The following GNB1 variants were observed in gnomAD, a reference collection of about 807,000 sequenced individuals.
GNB1 encodes the protein G protein subunit beta 1, also known as guanine nucleotide-binding protein G(I)/G(S)/G(T) subunit beta-1.
Under a neutral mutation model 42.9 loss-of-function variants are expected in GNB1, and 2 were observed. The observed-to-expected ratio is 0.05, with a 90% CI of 0.02 to 0.15. The LOEUF (loss-of-function observed/expected upper bound fraction) is 0.15, where lower values mean the gene tolerates loss of function less well. Among genes scored for constraint, GNB1 ranks in the 10% least tolerant of loss-of-function variants. The probability of loss-of-function intolerance (pLI) is 1.00; values close to 1 mark genes in which losing one functional copy is unlikely to be tolerated. For missense variants in GNB1, 193 were observed against 462.2 expected, an observed-to-expected ratio of 0.42 and a Z score of 5.34; for synonymous variants, 183 against 174.7, an observed-to-expected ratio of 1.05 and a Z score of -0.38.
intron 1 of GNB1, among the ~76,000 whole-genome samples, chr1:1,848,576 T>C (rs1647807934): frequency 6.6e-6 from 1 of 152,158 alleles, no homozygotes; most frequent in Non-Finnish European, 1.5e-5. Context: ...CTTCCACTCA[T>C]TAAATAGTAA....
intron 1 of GNB1, among the ~76,000 whole-genome samples, chr1:1,866,302 T>C (rs958748814): frequency 6.6e-6 from 1 of 152,230 alleles, no homozygotes; most frequent in Admixed American, 6.5e-5. Flanking sequence ...ATACCACGTT[T>C]CACAGGGATG....
chr1:1,807,802 G>T (rs923857048), intron 5 of GNB1, among the ~76,000 whole-genome samples: 1 of 151,924 alleles, frequency 6.6e-6, no homozygotes, highest in Non-Finnish European at 1.5e-5. Flanking sequence ...CCGCCTCCGG[G>T]GTTCATGCCA....
chr1:1,792,354 T>C (rs932375655), intron 8 of GNB1, among the ~76,000 whole-genome samples: 3 of 151,572 alleles, frequency 2.0e-5, no homozygotes, highest in South Asian at 2.1e-4. Context: ...TACAAATATA[T>C]AGAGGGGAAA....
chr1:1,785,894 C>T lies in GNB1; in HGVS notation c.*1169G>A. On this transcript the variant is annotated 3_prime_UTR_variant, in exon 12 of 12. Coordinates refer to ENST00000378609, the MANE Select transcript of GNB1 (RefSeq NM_002074.5). ...GCGCTGTACTGCTTCCGATATGTGCCACAGAGCAGCAACGAGAAGTGGACA... is the reference window on the plus strand; with the variant it reads ...GCGCTGTACTGCTTCCGATATGTGCTACAGAGCAGCAACGAGAAGTGGACA... The T allele has an allele frequency of 2.5e-6, 1 of 398,594 alleles. No individual in the cohort carries two copies. Among genetic ancestry groups the T allele is most frequent in the Non-Finnish European group, 4.4e-6 (1 of 225,998 alleles). 24.7% of individuals were successfully genotyped at this position (398,594 alleles called of 1,614,324 possible).
chr1:1,886,373 AT>A (rs1650157768), intron 1 of GNB1, among the ~76,000 whole-genome samples: 1 of 152,078 alleles, frequency 6.6e-6, no homozygotes, highest in African/African-American at 2.4e-5. Flanking sequence ...ATGTCTATAG[AT>A]TGTCTCTATT....
At chr1:1,834,186 G>A (rs1392502200) in intron 2 of GNB1, among the ~76,000 whole-genome samples, 1 of 152,014 alleles carries the variant, frequency 6.6e-6, no homozygotes, top group South Asian at 2.1e-4. Context: ...TATGGTGTGC[G>A]GTCACAAAGC....
At chr1:1,859,695 G>A (rs1395076977) in intron 1 of GNB1, among the ~76,000 whole-genome samples, 1 of 150,764 alleles carries the variant, frequency 6.6e-6, no homozygotes, top group Non-Finnish European at 1.5e-5. Context: ...GAAGTGGGGT[G>A]GGGGAGAGGG....
At chr1:1,795,923 C>A (rs375470458) in intron 7 of GNB1, among the ~76,000 whole-genome samples, 1 of 152,154 alleles carries the variant, frequency 6.6e-6, no homozygotes, top group Non-Finnish European at 1.5e-5. Flanking sequence ...GGACAAGCAT[C>A]AGCTGACAGG....
chr1:1,786,674 C>T lies in GNB1; in HGVS notation c.*389G>A, dbSNP rs1355905461. On this transcript the variant is annotated 3_prime_UTR_variant, in exon 12 of 12. Coordinates refer to ENST00000378609, the MANE Select transcript of GNB1 (RefSeq NM_002074.5). ...CCCTCAGCATGTTTTGCATGAATGC[C>T]ACAAAACAGGGTCACTGGTCTAAAA... 1 of 152,222 alleles carries T rather than the reference C, an allele frequency of 6.6e-6. No individual in the cohort carries two copies. Among genetic ancestry groups the T allele is most frequent in the African/African-American group, 2.4e-5 (1 of 41,436 alleles). The allele number at this position is 152,222 out of a possible 1,614,324, so 9.4% of individuals were successfully genotyped here.
rs141890829 is a variant in GNB1 at position 1,790,110 on chromosome 1, G to C, written c.699+285C>G. ...GACCAGTAAGGCTCTGTAACCACTG[G>C]TGGCCTGAGTTATCTTACTGTCTTT... On this transcript the variant is annotated intron_variant, in intron 9 of 11. Coordinates refer to ENST00000378609, the MANE Select transcript of GNB1 (RefSeq NM_002074.5). The surrounding 1 kb of genome is among the most constrained non-coding windows in gnomAD (Gnocchi z 5.4). 5.4e-3 allele frequency among the ~76,000 whole-genome samples: 816 copies of C among 152,266 alleles called. 9 individuals are homozygous for C. The highest frequency in any genetic ancestry group is 0.019 in the African/African-American group (780 of 41,542).
chr1:1,882,085 G>C (rs1441318193), intron 1 of GNB1, among the ~76,000 whole-genome samples: 1 of 152,068 alleles, frequency 6.6e-6, no homozygotes, highest in Non-Finnish European at 1.5e-5. Context: ...CTCCCTATTA[G>C]ACCATGAATT....
At chr1:1,874,723 G>A (rs753631666) in intron 1 of GNB1, among the ~76,000 whole-genome samples, 6 of 151,758 alleles carry the variant, frequency 4.0e-5, no homozygotes, top group Middle Eastern at 3.2e-3. Flanking sequence ...CCTGTGAGGC[G>A]GAGTTGCAGT....
Position 1,835,044 on chromosome 1 carries a change from C to G in GNB1, c.-47+4146G>C, listed in dbSNP as rs539610518. ...TGCTGTGTGCCATGCCATCTGCACT[C>G]CAGTATATAAAAATAATCTTTGTTT... On this transcript the variant is annotated intron_variant, in intron 2 of 11. Coordinates refer to ENST00000378609, the MANE Select transcript of GNB1 (RefSeq NM_002074.5). Among the ~76,000 whole-genome samples, 11 of 152,262 alleles carry G rather than the reference C, an allele frequency of 7.2e-5. No homozygotes were observed. The South Asian group carries it at 2.3e-3, about 32-fold the overall frequency.
Position 1,796,674 on chromosome 1 carries a change from G to GT in GNB1, c.431-3364_431-3363insA, listed in dbSNP as rs1359269319. Reference sequence around the variant, plus strand: ...TGCCACCCTCTGGAAGCCTGCAGAGGGGCAGGGAAAACAGACCCTGAACAA... The same window carrying GT: ...TGCCACCCTCTGGAAGCCTGCAGAGGTGGCAGGGAAAACAGACCCTGAACAA... On this transcript the variant is annotated intron_variant, in intron 7 of 11. Coordinates refer to ENST00000378609, the MANE Select transcript of GNB1 (RefSeq NM_002074.5). Among the ~76,000 whole-genome samples the GT allele has an allele frequency of 3.3e-4, 51 of 152,332 alleles. 1 individual carries two copies. Among genetic ancestry groups the GT allele is most frequent in the Admixed American group, 2.9e-3 (44 of 15,302 alleles).
In GNB1 at chr1:1,803,093, T is replaced by C. The variant is rs142201437; in HGVS notation, c.430+1326A>G. 3.2e-3 allele frequency among the ~76,000 whole-genome samples: 489 copies of C among 152,360 alleles called. 5 individuals are homozygous for C. The highest frequency in any genetic ancestry group is 0.011 in the African/African-American group (447 of 41,586). ...TAGTGACTCCATGAACTGATTTCTT[T>C]GGCTGCATGTGAAGTGGGCGGAGTG... On this transcript the variant is annotated intron_variant, in intron 7 of 11. Transcript: ENST00000378609.
chr1:1,844,674 C>A (rs1647522791), intron 1 of GNB1, among the ~76,000 whole-genome samples: 1 of 152,170 alleles, frequency 6.6e-6, no homozygotes, highest in Admixed American at 6.5e-5. Context: ...ATGGGAAACA[C>A]ATAAGTGCAC....
At chr1:1,795,491 C>T (rs1331709833) in intron 7 of GNB1, among the ~76,000 whole-genome samples, 2 of 152,154 alleles carry the variant, frequency 1.3e-5, no homozygotes, top group African/African-American at 2.4e-5. Flanking sequence ...CTTGGCTGGA[C>T]GCGGTGGCTC....
In GNB1 at chr1:1,795,012, G is replaced by C. The variant is rs544732114; in HGVS notation, c.431-1701C>G. 2.6e-4 allele frequency among the ~76,000 whole-genome samples: 39 copies of C among 152,252 alleles called. No homozygotes were observed. In the South Asian group the frequency reaches 4.6e-3, roughly 18 times the overall value. ...CAACAAACATTATTAAACTGGCTCT[G>C]ACAGAAGAAAAATATGCATAGATGA... On this transcript the variant is annotated intron_variant, in intron 7 of 11. Coordinates refer to ENST00000378609, the MANE Select transcript of GNB1 (RefSeq NM_002074.5).
intron 1 of GNB1, among the ~76,000 whole-genome samples, chr1:1,884,193 A>T (rs2101914569): frequency 6.7e-6 from 1 of 149,346 alleles, no homozygotes; most frequent in Non-Finnish European, 1.5e-5. Flanking sequence ...GTGCAATGGC[A>T]CGATCTCGGC....
Sources: gnomAD v4.1 joint callset for allele counts (sites outside exome capture counted in the v4.1 genomes callset) on GRCh38, gnomAD v4.1.1 for gene constraint, Gnocchi (gnomAD v3.1) non-coding constraint, MANE v1.5 for transcripts, NCBI Gene and HGNC (gene_info 2026-07-23, HGNC 2026-07-21) for gene names.